Variants in NAA11 observed in about 807,000 individuals in gnomAD.
The protein encoded by NAA11 is N-alpha-acetyltransferase 11, NatA catalytic subunit, also known as N-alpha-acetyltransferase 11.
Under a neutral mutation model 16.1 loss-of-function variants are expected in NAA11, and 15 were observed. The observed-to-expected ratio is 0.93, with a 90% CI of 0.62 to 1.44. NAA11 has a LOEUF of 1.44. NAA11 is among the 40% of genes most tolerant of loss of function. The pLI, the probability that NAA11 is intolerant of heterozygous loss-of-function variation, is 0.00. For synonymous variants in NAA11, 122 were observed against 112.4 expected, an observed-to-expected ratio of 1.09 and a Z score of -0.54; for missense variants, 298 against 291.3, an observed-to-expected ratio of 1.02 and a Z score of -0.17.
chr4:79,161,049 G>A, the NAA11 span, among the ~76,000 whole-genome samples: 1 of 152,170 alleles, frequency 6.6e-6, no homozygotes, highest in East Asian at 1.9e-4. Context: ...TTTCTTCCAA[G>A]AGCTTTATAC....
At chr4:79,256,631 A>G (rs1415695789) in intron 2 of NAA11, among the ~76,000 whole-genome samples, 5 of 105,844 alleles carry the variant, frequency 4.7e-5, no homozygotes, top group Admixed American at 1.2e-4. Flanking sequence ...ATTAAAATGA[A>G]CCATATATAT....
the NAA11 span, among the ~76,000 whole-genome samples, chr4:79,190,122 CTTG>C: frequency 2.0e-5 from 3 of 152,094 alleles, no homozygotes; most frequent in East Asian, 5.8e-4. Context: ...CATCATTTGT[CTTG>C]TTGATACTGA....
the NAA11 span, among the ~76,000 whole-genome samples, chr4:79,189,144 T>TAAAAAAAAAAAA: frequency 3.6e-4 from 1 of 2,748 alleles, no homozygotes; most frequent in East Asian, 9.6e-3. Flanking sequence ...AGACTCCATC[T>TAAAAAAAAAAAA]CAAAAAAAAA....
chr4:79,264,112 C>G (rs962803371), intron 2 of NAA11, among the ~76,000 whole-genome samples: 1 of 152,142 alleles, frequency 6.6e-6, no homozygotes, highest in Non-Finnish European at 1.5e-5. Context: ...CACTTCCGCT[C>G]GTGCACTAGA....
chr4:79,226,248 T>C (rs1721309214), exon 3 of NAA11: 1 of 151,996 alleles, frequency 6.6e-6, no homozygotes, highest in South Asian at 2.1e-4. Flanking sequence ...TTGTGCTGTC[T>C]CAGATCTTCA....
intron 2 of NAA11, among the ~76,000 whole-genome samples, chr4:79,268,364 T>A (rs753146604): frequency 7.9e-5 from 12 of 152,158 alleles, no homozygotes; most frequent in Non-Finnish European, 1.6e-4. Flanking sequence ...CACTTTAGTA[T>A]GAATGAAAGA....
In NAA11 at chr4:79,317,336, G is replaced by C. The variant is rs997220109; in HGVS notation, c.*468C>G. 4 of 152,156 alleles carry C rather than the reference G, an allele frequency of 2.6e-5. No individual in the cohort carries two copies. Among genetic ancestry groups the C allele is most frequent in the Non-Finnish European group, 4.4e-5 (3 of 68,050 alleles). The allele number at this position is 152,156 out of a possible 1,614,324, so 9.4% of individuals were successfully genotyped here. ...AGGAAAGAGGAGGAAGAGGGCATGA[G>C]GTCTGACTTCATGGTCCTGACTACT... On this transcript the variant is annotated 3_prime_UTR_variant, in exon 2 of 2. Transcript: ENST00000286794.
At chr4:79,200,904 C>T in the NAA11 span, among the ~76,000 whole-genome samples, 1 of 151,040 alleles carries the variant, frequency 6.6e-6, no homozygotes, top group African/African-American at 2.4e-5. Context: ...AAATAAAAGT[C>T]CCAATTGAAA....
At chr4:79,249,887 T>C (rs1196987784) in intron 2 of NAA11, among the ~76,000 whole-genome samples, 1 of 152,244 alleles carries the variant, frequency 6.6e-6, no homozygotes, top group African/African-American at 2.4e-5. Flanking sequence ...TCTGCAGCTC[T>C]CACAGAGGAC....
chr4:79,206,747 G>A, the NAA11 span, among the ~76,000 whole-genome samples: 1 of 152,152 alleles, frequency 6.6e-6, no homozygotes, highest in Non-Finnish European at 1.5e-5. Flanking sequence ...ATCGGACACA[G>A]CAATAAGGTA....
intron 2 of NAA11, among the ~76,000 whole-genome samples, chr4:79,230,572 T>C (rs903468715): frequency 6.6e-6 from 1 of 151,970 alleles, no homozygotes; most frequent in African/African-American, 2.4e-5. Flanking sequence ...TTATGAAAGA[T>C]AGCTAAAAAT....
At chr4:79,234,879 G>T (rs191657822) in intron 2 of NAA11, among the ~76,000 whole-genome samples, 1 of 152,034 alleles carries the variant, frequency 6.6e-6, no homozygotes, top group Non-Finnish European at 1.5e-5. Flanking sequence ...CTGAATTCTA[G>T]TAAGGCTAAA....
intron 2 of NAA11, among the ~76,000 whole-genome samples, chr4:79,226,941 C>G (rs904539716): frequency 1.3e-5 from 2 of 152,024 alleles, no homozygotes; most frequent in Admixed American, 6.5e-5. Context: ...TGGGTATATA[C>G]CCAGTAATGG....
At chr4:79,184,398 T>C in the NAA11 span, among the ~76,000 whole-genome samples, 1 of 152,066 alleles carries the variant, frequency 6.6e-6, no homozygotes, top group African/African-American at 2.4e-5. Flanking sequence ...TAAAAGATAA[T>C]CACATGTAAA....
chr4:79,309,793 G>A (rs567990161), intron 1 of NAA11, among the ~76,000 whole-genome samples: 5 of 130,180 alleles, frequency 3.8e-5, no homozygotes, highest in South Asian at 4.9e-4. Flanking sequence ...TCGGCTCACT[G>A]CAACCTCCAT....
At chr4:79,306,614 A>G (rs1302937749) in intron 1 of NAA11, 1 of 152,246 alleles carries the variant, frequency 6.6e-6, no homozygotes, top group Non-Finnish European at 1.5e-5. Context: ...CATAACAGAA[A>G]TCATGGTTAT....
intron 2 of NAA11, among the ~76,000 whole-genome samples, chr4:79,240,872 A>G (rs1297427737): frequency 6.6e-6 from 1 of 152,176 alleles, no homozygotes; most frequent in African/African-American, 2.4e-5. Flanking sequence ...GCAGAGAAGT[A>G]TAGCAACTAA....
At chr4:79,241,009 G>A (rs1478982451) in intron 2 of NAA11, among the ~76,000 whole-genome samples, 6 of 152,118 alleles carry the variant, frequency 3.9e-5, no homozygotes, top group South Asian at 2.1e-4. Context: ...AAGCAAATAC[G>A]ATATGGCTAG....
At chr4:79,288,759 T>A (rs981381555) in intron 2 of NAA11, among the ~76,000 whole-genome samples, 1 of 152,164 alleles carries the variant, frequency 6.6e-6, no homozygotes, top group Non-Finnish European at 1.5e-5. Flanking sequence ...ACATGTTTGT[T>A]CAAAAAATCA....
Sources: gnomAD v4.1 joint callset for allele counts (sites outside exome capture counted in the v4.1 genomes callset) on GRCh38, gnomAD v4.1.1 for gene constraint, MANE v1.5 for transcripts, NCBI Gene and HGNC (gene_info 2026-07-23, HGNC 2026-07-21) for gene names.